TENM3: variants seen among roughly 807,000 people sequenced by gnomAD.
TENM3 encodes teneurin transmembrane protein 3.
In TENM3, 63 loss-of-function variants were observed where a neutral mutation model predicts 255.1. That is an observed-to-expected ratio of 0.25 (90% CI 0.20 to 0.30). The LOEUF (loss-of-function observed/expected upper bound fraction) is 0.30, where lower values mean the gene tolerates loss of function less well. TENM3 is among the 10% of genes least tolerant of loss of function. The probability of loss-of-function intolerance (pLI) is 1.00; values close to 1 mark genes in which losing one functional copy is unlikely to be tolerated. For missense variants in TENM3, 2,929 were observed against 3,461.1 expected, an observed-to-expected ratio of 0.85 and a Z score of 3.86; for synonymous variants, 1,306 against 1,322.3, an observed-to-expected ratio of 0.99 and a Z score of 0.27.
chr4:182,159,793 G>C (rs2309592), intron 1 of TENM3, among the ~76,000 whole-genome samples: 1 of 151,942 alleles, frequency 6.6e-6, no homozygotes, highest in Non-Finnish European at 1.5e-5. Context: ...TAGCATTAGC[G>C]TAGTGGACGC....
chr4:182,131,192 C>T, the TENM3 span, among the ~76,000 whole-genome samples: 1 of 152,124 alleles, frequency 6.6e-6, no homozygotes, highest in Non-Finnish European at 1.5e-5. Context: ...AAAGAGATTG[C>T]TTTCTACAAT....
chr4:181,562,832 G>A, the TENM3 span, among the ~76,000 whole-genome samples: 8 of 152,022 alleles, frequency 5.3e-5, 1 homozygote, highest in Non-Finnish European at 8.8e-5. Flanking sequence ...CCATCACCAT[G>A]CCTGGCTAAT....
At chr4:182,116,008 T>C in the TENM3 span, among the ~76,000 whole-genome samples, 2 of 152,206 alleles carry the variant, frequency 1.3e-5, no homozygotes, top group Non-Finnish European at 2.9e-5. Context: ...CAGTGGTACA[T>C]TTGTACAATC....
intron 12 of TENM3, among the ~76,000 whole-genome samples, chr4:182,705,224 T>A (rs1302115001): frequency 6.6e-6 from 1 of 152,226 alleles, no homozygotes; most frequent in African/African-American, 2.4e-5. Context: ...TTGACTAATC[T>A]GAGAATGATA....
the TENM3 span, among the ~76,000 whole-genome samples, chr4:182,048,175 A>G: frequency 0.037 from 5,575 of 152,242 alleles, 151 homozygotes; most frequent in Middle Eastern, 0.071. Context: ...TTATTGTACA[A>G]ATTTAGATAT....
At chr4:181,449,762 G>A in the TENM3 span, among the ~76,000 whole-genome samples, 1 of 152,148 alleles carries the variant, frequency 6.6e-6, no homozygotes, top group African/African-American at 2.4e-5. Flanking sequence ...ACTCCAGCCT[G>A]GGCACGACAG....
chr4:182,688,049 G>T (rs1349368573), intron 11 of TENM3, 117 bp from the exon 12 acceptor site: 5 of 946,422 alleles, frequency 5.3e-6, no homozygotes, highest in Admixed American at 2.6e-5. Context: ...ATTTCTTTTG[G>T]ATGATTTTGT....
intron 6 of TENM3, among the ~76,000 whole-genome samples, chr4:182,664,141 C>A (rs1368192658): frequency 6.6e-6 from 1 of 152,176 alleles, no homozygotes; most frequent in Non-Finnish European, 1.5e-5. Flanking sequence ...TTTTTACAAA[C>A]TGAATGTTTG....
At chr4:182,357,731 A>G (rs1388218750) in intron 3 of TENM3, among the ~76,000 whole-genome samples, 2 of 149,362 alleles carry the variant, frequency 1.3e-5, no homozygotes, top group Admixed American at 6.7e-5. Context: ...ATTAGATCCC[A>G]TTTGTCAATT....
intron 3 of TENM3, among the ~76,000 whole-genome samples, chr4:182,588,809 A>G (rs1043724570): frequency 6.6e-6 from 1 of 152,232 alleles, no homozygotes; most frequent in Non-Finnish European, 1.5e-5. Context: ...TATGGTTGAC[A>G]AGATAAACTA....
At chr4:181,775,369 C>T in the TENM3 span, among the ~76,000 whole-genome samples, 2 of 152,012 alleles carry the variant, frequency 1.3e-5, no homozygotes, top group Non-Finnish European at 2.9e-5. Flanking sequence ...TTCTAGGTTT[C>T]GTTTGGGGCT....
chr4:182,688,443 T>TCCCAGCACTTTGGGAGGCCGAGGCGGG lies in TENM3; in HGVS notation c.2221+92_2221+93insCCCAGCACTTTGGGAGGCCGAGGCGGG. On this transcript the variant is annotated intron_variant, in intron 12 of 27. Transcript: ENST00000511685. ...TTCAACTTGGAAAAAGCCTATTTCT[T>TCCCAGCACTTTGGGAGGCCGAGGCGGG]TACGTTATTTTTTACTTGTCTTTCT... is the stretch of plus-strand genomic sequence containing the variant. 7 of 1,026,122 alleles carry TCCCAGCACTTTGGGAGGCCGAGGCGGG rather than the reference T, an allele frequency of 6.8e-6. 1 individual carries two copies. In the East Asian group the frequency reaches 1.2e-4, roughly 18 times the overall value. 63.6% of individuals were successfully genotyped at this position (1,026,122 alleles called of 1,614,324 possible). A position where few individuals can be genotyped will look rare whatever the true frequency, so the allele number is the denominator to read the frequency against.
At chr4:181,752,185 G>A in the TENM3 span, among the ~76,000 whole-genome samples, 1 of 152,166 alleles carries the variant, frequency 6.6e-6, no homozygotes, top group Non-Finnish European at 1.5e-5. Context: ...CAGCTCTGTA[G>A]AAAGGAAATG....
chr4:181,731,734 G>T, the TENM3 span, among the ~76,000 whole-genome samples: 2 of 152,184 alleles, frequency 1.3e-5, no homozygotes, highest in Admixed American at 1.3e-4. Context: ...AAAGGTGACT[G>T]ATTAAAAGGA....
the TENM3 span, among the ~76,000 whole-genome samples, chr4:181,668,194 C>T: frequency 6.6e-6 from 1 of 152,172 alleles, no homozygotes; most frequent in African/African-American, 2.4e-5. Context: ...TAAGCACACA[C>T]ATACAATGTG....
the TENM3 span, among the ~76,000 whole-genome samples, chr4:181,571,127 T>G: frequency 2.0e-4 from 30 of 152,172 alleles, no homozygotes; most frequent in Admixed American, 3.9e-4. Context: ...TAGCCGGTGC[T>G]GTTCCTCAAT....
In TENM3 at chr4:182,754,744, C is replaced by A; in HGVS notation, c.4377C>A (p.Tyr1459Ter). Residue 1459 changes from tyrosine (Y) to a stop codon, truncating the protein, a stop_gained, in exon 22 of 28, where the codon TAC (tyrosine) becomes TAA (stop). Transcript: ENST00000511685. LOFTEE classifies it high-confidence loss of function. This position sits in a 1 kb window ranked among gnomAD's most constrained non-coding sequence, Gnocchi z 5.1. ...AAAATGATGCCAACTGTGACTGTTA[C>A]CAGAGTGGAGATGGCTACGCCAAGG... is the stretch of plus-strand genomic sequence containing the variant. ...DCKNDANCDC[Y>*]QSGDGYAKDA... 6.2e-7 allele frequency: 1 copy of A among 1,614,036 alleles called. No homozygotes were observed. Among genetic ancestry groups the A allele is most frequent in the South Asian group, 1.1e-5 (1 of 91,082 alleles).
chr4:181,512,651 C>A, the TENM3 span, among the ~76,000 whole-genome samples: 46 of 152,152 alleles, frequency 3.0e-4, no homozygotes, highest in Admixed American at 1.1e-3. Context: ...CTTCCACCTG[C>A]GTTTGAAACC....
chr4:181,938,199 C>A, the TENM3 span, among the ~76,000 whole-genome samples: 34,474 of 152,078 alleles, frequency 0.23, 4,448 homozygotes, highest in South Asian at 0.36. Flanking sequence ...GGAGCCTTAG[C>A]TGTCATGTTA....
Sources: allele counts gnomAD v4.1 joint callset (sites outside exome capture counted in the v4.1 genomes callset), GRCh38; gene constraint gnomAD v4.1.1; non-coding constraint Gnocchi (gnomAD v3.1); transcripts MANE v1.5; gene names NCBI Gene and HGNC (gene_info 2026-07-23, HGNC 2026-07-21).